The following KDM4C variants were observed in gnomAD, a reference collection of about 807,000 sequenced individuals.
The protein encoded by KDM4C is lysine demethylase 4C, also known as lysine-specific demethylase 4C.
Under a neutral mutation model 129.3 loss-of-function variants are expected in KDM4C, and 81 were observed. The ratio of observed to expected loss-of-function variants is 0.63; its 90% CI spans 0.52 to 0.75. The LOEUF (loss-of-function observed/expected upper bound fraction) is 0.75. Ranked by LOEUF, KDM4C falls within the 30% of genes least tolerant of loss-of-function variation. KDM4C has a pLI of 0.00. For missense variants in KDM4C, 1,457 were observed against 1,304.0 expected (o/e 1.12, Z -1.81); for synonymous variants, 573 against 456.1 (o/e 1.26, Z -3.26).
chr9:7,153,926 T>C lies in KDM4C; in HGVS notation c.2782-11312T>C, dbSNP rs906865792. ...ATGTGGTGAGACTGGACCTAACCTC[T>C]GCTGTAGGCCTGTGGGTGCTGCTGC... On this transcript the variant is annotated intron_variant, in intron 19 of 21. Coordinates refer to ENST00000381309, the MANE Select transcript of KDM4C (RefSeq NM_015061.6). Among the ~76,000 whole-genome samples, 95 of 152,214 alleles carry C rather than the reference T, an allele frequency of 6.2e-4. 1 individual carries two copies. The highest frequency in any genetic ancestry group is 2.1e-3 in the African/African-American group (88 of 41,458).
intron 3 of KDM4C, among the ~76,000 whole-genome samples, 180 bp downstream of exon 3, chr9:6,805,954 A>G (rs1275728456): frequency 6.6e-6 from 1 of 152,222 alleles, no homozygotes; most frequent in Non-Finnish European, 1.5e-5. Context: ...TTTGACTTAA[A>G]GAAATTGCTC....
At chr9:7,069,655 A>G (rs113798388) in intron 17 of KDM4C, among the ~76,000 whole-genome samples, 2,655 of 152,374 alleles carry the variant, frequency 0.017, 89 homozygotes, top group African/African-American at 0.06. Flanking sequence ...TATTAAAACC[A>G]GGAAAGTAAC....
At chr9:6,721,073 ATTTC>A (rs1563907488) in intron 1 of KDM4C, 2 of 1,329,238 alleles carry the variant, frequency 1.5e-6, no homozygotes, top group South Asian at 1.3e-5. Context: ...AGCAATGTTA[ATTTC>A]TTTATTTTTA....
chr9:6,819,729 A>T lies in KDM4C; in HGVS notation c.435+4984A>T, dbSNP rs1245379285. Among the ~76,000 whole-genome samples, 5 of 152,202 alleles carry T rather than the reference A, an allele frequency of 3.3e-5. No individual in the cohort carries two copies. The East Asian group carries it at 5.8e-4, about 18-fold the overall frequency. On this transcript the variant is annotated intron_variant, in intron 4 of 21. Coordinates refer to ENST00000381309, the MANE Select transcript of KDM4C (RefSeq NM_015061.6). ...AGAAAAGAGTGCATTAAAGGGCATG[A>T]TGTAGAGTGAGTGTAATAATTGCTT...
At chr9:6,810,331 A>T (rs372929625) in intron 3 of KDM4C, among the ~76,000 whole-genome samples, 1 of 152,204 alleles carries the variant, frequency 6.6e-6, no homozygotes, top group Non-Finnish European at 1.5e-5. Flanking sequence ...TGCTTGGTAT[A>T]GTATCTGGGA....
At chr9:6,745,312 A>C (rs985354489) in intron 1 of KDM4C, among the ~76,000 whole-genome samples, 1 of 151,976 alleles carries the variant, frequency 6.6e-6, no homozygotes, top group Non-Finnish European at 1.5e-5. Flanking sequence ...ACTGAGAAAA[A>C]TTTAGGCCAG....
intron 8 of KDM4C, among the ~76,000 whole-genome samples, chr9:6,969,529 C>A (rs1322074267): frequency 6.6e-6 from 1 of 152,174 alleles, no homozygotes; most frequent in Non-Finnish European, 1.5e-5. Context: ...CTTATATATA[C>A]TGTTCCATTA....
At chr9:7,138,687 C>A (rs10976064) in intron 19 of KDM4C, among the ~76,000 whole-genome samples, 1 of 151,518 alleles carries the variant, frequency 6.6e-6, no homozygotes. Context: ...GGCATGGTGA[C>A]GTGTACCTGT....
rs142609948 is a variant in KDM4C at position 7,083,711 on chromosome 9, A to ATGTGTGTGTGTGTGTGTG, written c.2425-19954_2425-19937dup. Among the ~76,000 whole-genome samples the ATGTGTGTGTGTGTGTGTG allele has an allele frequency of 3.5e-3, 505 of 143,312 alleles. 7 individuals carry two copies. The highest frequency in any genetic ancestry group is 0.012 in the African/African-American group (450 of 38,022). The allele number at this position is 143,312 out of a possible 152,430, so 94.0% of individuals were successfully genotyped here. On this transcript the variant is annotated intron_variant, in intron 17 of 21. Transcript: ENST00000381309. ...AAACGTCCCATGTAGCACATGACTG[A>ATGTGTGTGTGTGTGTGTG]TGTGTGTGTGTGTGTGTGTGTGTGT...
chr9:7,000,524 T>C (rs1408194177), intron 12 of KDM4C, among the ~76,000 whole-genome samples: 1 of 152,228 alleles, frequency 6.6e-6, no homozygotes, highest in African/African-American at 2.4e-5. Context: ...AATTCAACCA[T>C]AACCTTGTTA....
intron 17 of KDM4C, chr9:7,077,315 TA>T (rs1364457575): frequency 1.2e-6 from 1 of 802,980 alleles, no homozygotes; most frequent in African/African-American, 1.9e-5. Context: ...GCTTTGGACA[TA>T]TAGTTGTCAT....
chr9:6,887,510 T>C (rs1845483724), intron 6 of KDM4C, among the ~76,000 whole-genome samples: 1 of 152,212 alleles, frequency 6.6e-6, no homozygotes, highest in South Asian at 2.1e-4. Flanking sequence ...AACTACTCTG[T>C]CTGCTGTATG....
At chr9:6,873,103 T>C (rs192257968) in intron 5 of KDM4C, among the ~76,000 whole-genome samples, 8 of 152,278 alleles carry the variant, frequency 5.3e-5, no homozygotes, top group Admixed American at 2.6e-4. Context: ...GTTCAAGTGA[T>C]TCCCCTGCCC....
chr9:6,924,731 G>T, intron 8 of KDM4C: 2 of 980,774 alleles, frequency 2.0e-6, no homozygotes, highest in Non-Finnish European at 2.4e-6. Flanking sequence ...TGTGGATTTT[G>T]TCTGAGGAGT....
At chr9:7,001,942 G>T (rs982238872) in intron 12 of KDM4C, among the ~76,000 whole-genome samples, 1 of 152,158 alleles carries the variant, frequency 6.6e-6, no homozygotes, top group African/African-American at 2.4e-5. Context: ...GCCTACACTG[G>T]TGTGCAGTGG....
At chr9:7,153,862 C>G (rs1359983188) in intron 19 of KDM4C, among the ~76,000 whole-genome samples, 3 of 152,200 alleles carry the variant, frequency 2.0e-5, no homozygotes, top group Non-Finnish European at 4.4e-5. Flanking sequence ...CAAGACCAGA[C>G]CACAGATGCC....
intron 17 of KDM4C, among the ~76,000 whole-genome samples, chr9:7,078,422 C>T (rs1177972417): frequency 6.6e-6 from 1 of 151,528 alleles, no homozygotes; most frequent in Non-Finnish European, 1.5e-5. Context: ...CACAGAGCCT[C>T]TGGGTTTTCT....
intron 15 of KDM4C, among the ~76,000 whole-genome samples, chr9:7,016,502 T>C (rs975575459): frequency 2.1e-5 from 3 of 144,082 alleles, no homozygotes; most frequent in African/African-American, 7.8e-5. Flanking sequence ...GCTCAGCTCA[T>C]TGCAACCTCC....
At chr9:6,763,010 C>T (rs1441681078) in intron 1 of KDM4C, among the ~76,000 whole-genome samples, 2 of 151,932 alleles carry the variant, frequency 1.3e-5, no homozygotes, top group South Asian at 4.2e-4. Context: ...CCTACTTCCT[C>T]ATCCTCCTTA....
Sources: gnomAD v4.1 joint callset for allele counts (sites outside exome capture counted in the v4.1 genomes callset) on GRCh38, gnomAD v4.1.1 for gene constraint, MANE v1.5 for transcripts, NCBI Gene and HGNC (gene_info 2026-07-23, HGNC 2026-07-21) for gene names.